DLG1: variants seen among roughly 807,000 people sequenced by gnomAD.
DLG1 encodes discs large MAGUK scaffold protein 1.
A neutral mutation model predicts 123.4 loss-of-function variants in DLG1; 42 were observed. That is an observed-to-expected ratio of 0.34 (90% CI 0.27 to 0.44). The LOEUF (loss-of-function observed/expected upper bound fraction) is 0.44. DLG1 is among the 20% of genes least tolerant of loss of function. The probability of loss-of-function intolerance (pLI) is 1.00; values close to 1 mark genes in which losing one functional copy is unlikely to be tolerated. For synonymous variants in DLG1, 317 were observed against 356.2 expected, an observed-to-expected ratio of 0.89 and a Z score of 1.24; for missense variants, 942 against 1,082.6, an observed-to-expected ratio of 0.87 and a Z score of 1.82.
chr3:197,059,231 T>G (rs1275197685), intron 23 of DLG1, among the ~76,000 whole-genome samples: 1 of 152,160 alleles, frequency 6.6e-6, no homozygotes, highest in Non-Finnish European at 1.5e-5. Flanking sequence ...AGCCATGAAA[T>G]GTCACTCTGA....
At chr3:197,220,588 C>T (rs1217204998) in intron 4 of DLG1, among the ~76,000 whole-genome samples, 1 of 152,106 alleles carries the variant, frequency 6.6e-6, no homozygotes, top group Admixed American at 6.5e-5. Context: ...GAAACTATTT[C>T]CCAATATATG....
rs544121117 is a variant in DLG1, at chr3:197,119,998, GC to G, written c.1166-469del. On this transcript the variant is annotated intron_variant, in intron 11 of 24. Transcript: ENST00000667157. ...CTGTCGTCCAGGCGTAGTGGCTCAC[GC>G]CTGTAACCCTAGCACTTTGGGAGGC... 2.6e-5 allele frequency among the ~76,000 whole-genome samples: 4 copies of G among 152,238 alleles called. No individual in the cohort carries two copies. In the East Asian group the frequency reaches 7.7e-4, roughly 29 times the overall value.
At chr3:197,096,568 T>C (rs770031423) in intron 14 of DLG1, among the ~76,000 whole-genome samples, 1 of 152,222 alleles carries the variant, frequency 6.6e-6, no homozygotes, top group Non-Finnish European at 1.5e-5. Context: ...AGGACTAAAT[T>C]GATCAAGTTG....
intron 4 of DLG1, among the ~76,000 whole-genome samples, chr3:197,250,015 C>T (rs1753592094): frequency 6.6e-6 from 1 of 152,126 alleles, no homozygotes; most frequent in Non-Finnish European, 1.5e-5. Flanking sequence ...GACAAAAATG[C>T]CTACTTTCAC....
chr3:197,104,797 C>T (rs1765461876), intron 14 of DLG1, 106 bp downstream of exon 14: 12 of 786,498 alleles, frequency 1.5e-5, no homozygotes, highest in Middle Eastern at 6.0e-4. Context: ...AAAAAAAGCA[C>T]AAAAAAGGAA....
chr3:197,272,508 T>C (rs536788301), intron 4 of DLG1, among the ~76,000 whole-genome samples: 1 of 152,358 alleles, frequency 6.6e-6, no homozygotes, highest in South Asian at 2.1e-4. Flanking sequence ...TTTTTCATAG[T>C]GTGGTGATTT....
At chr3:197,095,172 C>G (rs1759960072) in intron 14 of DLG1, among the ~76,000 whole-genome samples, 1 of 152,164 alleles carries the variant, frequency 6.6e-6, no homozygotes, top group Non-Finnish European at 1.5e-5. Flanking sequence ...AACCATTTGA[C>G]AGCAATTTGC....
intron 7 of DLG1, among the ~76,000 whole-genome samples, chr3:197,142,173 CTACT>C (rs899112750): frequency 6.6e-5 from 10 of 152,148 alleles, no homozygotes; most frequent in South Asian, 2.1e-4. Flanking sequence ...TACTAGTATA[CTACT>C]TACTTAATAC....
At chr3:197,060,182 A>C (rs1026031052) in intron 22 of DLG1, among the ~76,000 whole-genome samples, 184 bp from the exon 23 acceptor site, 1 of 152,258 alleles carries the variant, frequency 6.6e-6, no homozygotes, top group Non-Finnish European at 1.5e-5. Flanking sequence ...AATATGCATA[A>C]TTAATTTGCC....
intron 5 of DLG1, among the ~76,000 whole-genome samples, chr3:197,184,517 C>A (rs989174881): frequency 6.6e-6 from 1 of 152,144 alleles, no homozygotes; most frequent in Non-Finnish European, 1.5e-5. Context: ...CTAACGATAG[C>A]GCTTCATTAC....
rs528309672 is a variant in DLG1, at chr3:197,243,342, C to G, written c.318+39337G>C. ...AGGAAAAACTACTTATGTAATAGAACAAAGGAAAAGGGGGGTGAAACCCTT... is the reference window on the plus strand; with the variant it reads ...AGGAAAAACTACTTATGTAATAGAAGAAAGGAAAAGGGGGGTGAAACCCTT... On this transcript the variant is annotated intron_variant, in intron 4 of 24. Transcript: ENST00000667157. Among the ~76,000 whole-genome samples the G allele has an allele frequency of 4.6e-5, 7 of 152,268 alleles. No homozygotes were observed. In the South Asian group the frequency reaches 1.0e-3, roughly 23 times the overall value.
At chr3:197,141,751 C>T (rs1788131575) in intron 7 of DLG1, among the ~76,000 whole-genome samples, 2 of 147,580 alleles carry the variant, frequency 1.4e-5, no homozygotes, top group South Asian at 4.2e-4. Context: ...TAGACAGAGT[C>T]TCACTCTGTC....
chr3:197,085,890 G>T, intron 15 of DLG1, 134 bp from the exon 16 acceptor site: 1 of 696,468 alleles, frequency 1.4e-6, no homozygotes, highest in Non-Finnish European at 2.3e-6. Flanking sequence ...GTTCAATTCT[G>T]CACTGCATAC....
At chr3:197,172,492 C>T (rs1804738881) in intron 5 of DLG1, among the ~76,000 whole-genome samples, 1 of 152,068 alleles carries the variant, frequency 6.6e-6, no homozygotes, top group South Asian at 2.1e-4. Context: ...CTGTTCACTC[C>T]TATATGCCCA....
chr3:197,104,456 C>T (rs991715258), intron 14 of DLG1, among the ~76,000 whole-genome samples: 5 of 151,912 alleles, frequency 3.3e-5, no homozygotes, highest in East Asian at 1.9e-4. Flanking sequence ...CTGAGGTGGG[C>T]GGATCGCCTG....
intron 4 of DLG1, among the ~76,000 whole-genome samples, chr3:197,265,902 T>C (rs1761468980): frequency 6.6e-6 from 1 of 151,862 alleles, no homozygotes; most frequent in Non-Finnish European, 1.5e-5. Flanking sequence ...ATACAAAAAT[T>C]AGCCAGGCGT....
At chr3:197,277,178 C>T (rs1379697944) in intron 4 of DLG1, among the ~76,000 whole-genome samples, 2 of 151,744 alleles carry the variant, frequency 1.3e-5, no homozygotes, top group Non-Finnish European at 2.9e-5. Context: ...AGGCATGAGC[C>T]ACTGCGCCCA....
At chr3:197,051,715 T>C (rs768836373) in intron 23 of DLG1, 47 bp from the exon 24 acceptor site, 1 of 1,452,466 alleles carries the variant, frequency 6.9e-7, no homozygotes, top group South Asian at 1.2e-5. Context: ...TTATAATACT[T>C]TTAAAAAAAA....
intron 5 of DLG1, among the ~76,000 whole-genome samples, chr3:197,152,392 C>T (rs1441698580): frequency 2.0e-5 from 3 of 147,908 alleles, no homozygotes; most frequent in Non-Finnish European, 3.0e-5. Flanking sequence ...TTCTACTACT[C>T]GCTGTCTTGG....
Sources: gnomAD v4.1 joint callset for allele counts (sites outside exome capture counted in the v4.1 genomes callset) on GRCh38, gnomAD v4.1.1 for gene constraint, MANE v1.5 for transcripts, NCBI Gene and HGNC (gene_info 2026-07-23, HGNC 2026-07-21) for gene names.